The following TMTC2 variants were observed in gnomAD, a reference collection of about 807,000 sequenced individuals.
TMTC2 encodes the protein transmembrane O-mannosyltransferase targeting cadherins 2.
Under a neutral mutation model 82.4 loss-of-function variants are expected in TMTC2, and 43 were observed. The observed-to-expected ratio is 0.52, with a 90% CI of 0.41 to 0.67. The LOEUF is 0.67. Ranked by LOEUF, TMTC2 falls within the 30% of genes least tolerant of loss-of-function variation. TMTC2 has a pLI of 0.00. For missense variants in TMTC2, 919 were observed against 1,012.4 expected, an observed-to-expected ratio of 0.91 and a Z score of 1.25; for synonymous variants, 408 against 381.9, an observed-to-expected ratio of 1.07 and a Z score of -0.80.
chr12:82,799,027 C>T (rs894421928), intron 1 of TMTC2, among the ~76,000 whole-genome samples: 1 of 152,084 alleles, frequency 6.6e-6, no homozygotes, highest in African/African-American at 2.4e-5. Context: ...ACCTTTACAA[C>T]AGAAAGTTCC....
At chr12:83,006,321 G>A (rs1233203027) in intron 8 of TMTC2, among the ~76,000 whole-genome samples, 1 of 152,116 alleles carries the variant, frequency 6.6e-6, no homozygotes, top group Non-Finnish European at 1.5e-5. Flanking sequence ...CCATATTTTG[G>A]TCTCACTCGC....
At chr12:82,989,778 T>G (rs2137345692) in intron 8 of TMTC2, among the ~76,000 whole-genome samples, 1 of 151,002 alleles carries the variant, frequency 6.6e-6, no homozygotes, top group South Asian at 2.1e-4. Context: ...GATTTAGAAG[T>G]TTTAATTTAC....
chr12:82,701,590 A>G (rs909039251), intron 1 of TMTC2, among the ~76,000 whole-genome samples: 5 of 93,618 alleles, frequency 5.3e-5, no homozygotes, highest in African/African-American at 1.6e-4. Flanking sequence ...CGTCTTTACT[A>G]AAAAAAAAAA....
chr12:82,958,500 A>C (rs1476771181), intron 4 of TMTC2, among the ~76,000 whole-genome samples: 4 of 152,146 alleles, frequency 2.6e-5, no homozygotes, highest in African/African-American at 9.7e-5. Context: ...AGTAGGCTTC[A>C]TTCCTGGGAT....
intron 8 of TMTC2, among the ~76,000 whole-genome samples, chr12:83,008,136 C>T (rs1011654544): frequency 2.0e-5 from 3 of 152,090 alleles, no homozygotes; most frequent in Admixed American, 6.6e-5. Context: ...ATGGCAAGAA[C>T]CACAGTTACT....
At chr12:83,035,546 G>T (rs1015195158) in intron 9 of TMTC2, among the ~76,000 whole-genome samples, 3 of 152,166 alleles carry the variant, frequency 2.0e-5, no homozygotes, top group Non-Finnish European at 4.4e-5. Context: ...AAATTTTAAG[G>T]AATGCGTAGA....
rs190112484 is a variant in TMTC2, at chr12:83,007,569, C to G, written c.2070+21523C>G. On this transcript the variant is annotated intron_variant, in intron 8 of 11. Coordinates refer to ENST00000321196, the MANE Select transcript of TMTC2 (RefSeq NM_152588.3). ...CTTACGGAGTATTCACAATTCCTCC[C>G]TCCTGTCCTTTATGACATCTCTGTC... Among the ~76,000 whole-genome samples the G allele has an allele frequency of 3.3e-5, 5 of 152,260 alleles. No individual in the cohort carries two copies. The East Asian group carries it at 9.6e-4, about 29-fold the overall frequency.
intron 8 of TMTC2, among the ~76,000 whole-genome samples, chr12:83,000,959 G>T: frequency 6.6e-6 from 1 of 152,126 alleles, no homozygotes; most frequent in East Asian, 1.9e-4. Context: ...CTGTACCTTG[G>T]CTCATTTTAG....
Position 83,027,358 on chromosome 12 carries a change from T to C in TMTC2, c.2071-3440T>C, listed in dbSNP as rs148122560. Among the ~76,000 whole-genome samples the C allele has an allele frequency of 6.9e-3, 1,044 of 152,290 alleles. 12 individuals carry two copies. The highest frequency in any genetic ancestry group is 0.024 in the African/African-American group (993 of 41,568). ...GCAACCTTTATCCCTGGTTGGCTTA[T>C]GAATTTGGTTGACTTTTAATTTTAT... is the stretch of plus-strand genomic sequence containing the variant. On this transcript the variant is annotated intron_variant, in intron 8 of 11. Transcript: ENST00000321196.
intron 1 of TMTC2, among the ~76,000 whole-genome samples, chr12:82,816,830 T>C (rs1868760149): frequency 6.6e-6 from 1 of 152,066 alleles, no homozygotes; most frequent in Admixed American, 6.6e-5. Context: ...TGGATAAAAT[T>C]TGTGTAAGCA....
At chr12:82,757,342 A>G (rs568550575) in intron 1 of TMTC2, among the ~76,000 whole-genome samples, 3 of 152,322 alleles carry the variant, frequency 2.0e-5, no homozygotes, top group Admixed American at 6.5e-5. Flanking sequence ...CAATTTGCTC[A>G]TGAGTGAAAT....
rs10662218 is a variant in TMTC2, at chr12:82,871,681, C to CTGTGTGTGTGTGTG, written c.654+14127_654+14140dup. Among the ~76,000 whole-genome samples, 852 of 142,162 alleles carry CTGTGTGTGTGTGTG rather than the reference C, an allele frequency of 6.0e-3. 7 individuals carry two copies. Among genetic ancestry groups the CTGTGTGTGTGTGTG allele is most frequent in the African/African-American group, 0.021 (813 of 38,390 alleles). 93.3% of individuals were successfully genotyped at this position (142,162 alleles called of 152,430 possible). A position where few individuals can be genotyped will look rare whatever the true frequency, so the allele number is the denominator to read the frequency against. On this transcript the variant is annotated intron_variant, in intron 2 of 11. Coordinates refer to ENST00000321196, the MANE Select transcript of TMTC2 (RefSeq NM_152588.3). ...GTGGTGTCTAAGTAGCTCTGCTCAT[C>CTGTGTGTGTGTGTG]TGTGTGTGTGTGTGTGTGTGTGTGT...
chr12:82,972,041 T>C (rs1280567717), intron 7 of TMTC2, among the ~76,000 whole-genome samples: 1 of 152,196 alleles, frequency 6.6e-6, no homozygotes, highest in Non-Finnish European at 1.5e-5. Context: ...GGCTATGCTA[T>C]GCTGACTAGA....
intron 2 of TMTC2, among the ~76,000 whole-genome samples, chr12:82,891,080 TAAGGTA>T (rs1164148221): frequency 6.6e-6 from 1 of 152,184 alleles, no homozygotes; most frequent in Non-Finnish European, 1.5e-5. Context: ...ACAGAAATGC[TAAGGTA>T]AATTGTAGGG....
chr12:82,743,266 C>G (rs1350302913), intron 1 of TMTC2, among the ~76,000 whole-genome samples: 1 of 151,920 alleles, frequency 6.6e-6, no homozygotes, highest in Non-Finnish European at 1.5e-5. Context: ...CATGGTGAAA[C>G]CCCATCTCTA....
At chr12:83,075,498 T>C (rs1260327123) in intron 11 of TMTC2, among the ~76,000 whole-genome samples, 2 of 152,102 alleles carry the variant, frequency 1.3e-5, no homozygotes, top group African/African-American at 4.8e-5. Flanking sequence ...AGAGAAGTTA[T>C]TAGTTTTCCC....
intron 11 of TMTC2, among the ~76,000 whole-genome samples, chr12:83,093,850 G>A (rs1883928747): frequency 6.6e-6 from 1 of 152,210 alleles, no homozygotes; most frequent in South Asian, 2.1e-4. Context: ...GACTTTAAGA[G>A]TTAAAGAAGT....
intron 2 of TMTC2, among the ~76,000 whole-genome samples, chr12:82,862,197 T>C (rs1871588371): frequency 6.6e-6 from 1 of 152,222 alleles, no homozygotes; most frequent in Non-Finnish European, 1.5e-5. Flanking sequence ...AAATACATAC[T>C]AGACTTTTAT....
At chr12:82,849,539 C>T (rs1161981596) in intron 1 of TMTC2, among the ~76,000 whole-genome samples, 1 of 152,006 alleles carries the variant, frequency 6.6e-6, no homozygotes, top group Non-Finnish European at 1.5e-5. Context: ...CTGTCATGTA[C>T]AACCTTAATT....
Sources: allele counts gnomAD v4.1 joint callset (sites outside exome capture counted in the v4.1 genomes callset), GRCh38; gene constraint gnomAD v4.1.1; transcripts MANE v1.5; gene names NCBI Gene and HGNC (gene_info 2026-07-23, HGNC 2026-07-21).